Variants in ABCC11 observed in about 807,000 individuals in gnomAD.
ABCC11 encodes ATP binding cassette subfamily C member 11.
In ABCC11, 135 loss-of-function variants were observed where a neutral mutation model predicts 149.3. That is an observed-to-expected ratio of 0.90 (90% CI 0.79 to 1.04). ABCC11 has a LOEUF of 1.04. ABCC11 is among the 50% of genes least tolerant of loss of function. ABCC11 has a pLI of 0.00. For synonymous variants in ABCC11, 665 were observed against 671.4 expected (o/e 0.99, Z 0.15); for missense variants, 1,680 against 1,722.1 (o/e 0.98, Z 0.43).
At chr16:48,206,726 A>C (rs1968481210) in intron 12 of ABCC11, among the ~76,000 whole-genome samples, 1 of 152,220 alleles carries the variant, frequency 6.6e-6, no homozygotes, top group East Asian at 1.9e-4. Context: ...GCTGTGATGT[A>C]GAACAGAGCT....
chr16:48,235,000 A>G (rs1408325487), intron 1 of ABCC11: 1 of 152,226 alleles, frequency 6.6e-6, no homozygotes, highest in Non-Finnish European at 1.5e-5. Context: ...AATGACTTAA[A>G]TTATTGGCTC....
At chr16:48,196,458 T>C in intron 17 of ABCC11, 137 bp from the exon 18 acceptor site, 1 of 768,842 alleles carries the variant, frequency 1.3e-6, no homozygotes, top group Non-Finnish European at 2.1e-6. Flanking sequence ...AGGTTTTTCA[T>C]GGAAGACTCT....
In ABCC11 at chr16:48,188,924, G is replaced by A. The variant is rs375851436; in HGVS notation, c.2707-1497C>T. On this transcript the variant is annotated intron_variant, in intron 20 of 29. Coordinates refer to ENST00000356608, the MANE Select transcript of ABCC11 (RefSeq NM_001370497.1). Reference sequence around the variant, plus strand: ...AAAGAGGAGGGAAGGACATTTTGACGGTTACTAAATGTAATTATTTGAGCC... The same window carrying A: ...AAAGAGGAGGGAAGGACATTTTGACAGTTACTAAATGTAATTATTTGAGCC... Among the ~76,000 whole-genome samples the A allele has an allele frequency of 6.6e-4, 101 of 152,290 alleles. 2 individuals carry two copies. In the South Asian group the frequency reaches 0.02, roughly 30 times the overall value.
intron 2 of ABCC11, 112 bp from the exon 3 acceptor site, chr16:48,230,685 T>C: frequency 8.2e-7 from 1 of 1,213,478 alleles, no homozygotes; most frequent in Non-Finnish European, 1.1e-6. Context: ...TCCTGCTTCC[T>C]AAAGAAAGGC....
chr16:48,221,841 A>C (rs1321444066), intron 6 of ABCC11, among the ~76,000 whole-genome samples: 3 of 152,106 alleles, frequency 2.0e-5, no homozygotes, highest in Non-Finnish European at 4.4e-5. Flanking sequence ...TCTTGGGCTC[A>C]AGCGATCCTC....
intron 28 of ABCC11, among the ~76,000 whole-genome samples, chr16:48,169,067 T>C (rs186390177): frequency 1.3e-5 from 2 of 152,278 alleles, no homozygotes; most frequent in East Asian, 1.9e-4. Flanking sequence ...TTAAAAAATA[T>C]ATATATATGC....
intron 14 of ABCC11, among the ~76,000 whole-genome samples, chr16:48,202,896 T>C (rs1410850069): frequency 6.6e-6 from 1 of 152,240 alleles, no homozygotes; most frequent in East Asian, 1.9e-4. Flanking sequence ...CTGAGGGTCA[T>C]GGCTGATGTT....
chr16:48,187,989 T>C (rs571634207), intron 20 of ABCC11, among the ~76,000 whole-genome samples: 12 of 152,150 alleles, frequency 7.9e-5, no homozygotes, highest in Non-Finnish European at 8.8e-5. Context: ...ACCATTCCCA[T>C]GGCAACACCC....
intron 5 of ABCC11, among the ~76,000 whole-genome samples, chr16:48,223,861 CAT>C (rs1160108930): frequency 1.3e-5 from 2 of 152,204 alleles, no homozygotes; most frequent in Non-Finnish European, 2.9e-5. Context: ...GAGGAGCTAA[CAT>C]GTGCTGAGCC....
At chr16:48,227,675 G>T in intron 4 of ABCC11, 131 bp downstream of exon 4, 2 of 1,155,574 alleles carry the variant, frequency 1.7e-6, no homozygotes, top group South Asian at 1.3e-5. Context: ...CCTAGTATGA[G>T]GCCTCTTCCT....
rs1205597451 is a variant in ABCC11, at chr16:48,239,981, C to T, written c.-19+7333G>A. 4.6e-5 allele frequency among the ~76,000 whole-genome samples: 7 copies of T among 152,338 alleles called. No individual in the cohort carries two copies. In the East Asian group the frequency reaches 9.6e-4, roughly 21 times the overall value. On this transcript the variant is annotated intron_variant, in intron 1 of 29. Coordinates refer to ENST00000356608, the MANE Select transcript of ABCC11 (RefSeq NM_001370497.1). ...AATCAAAACCACAGTGAGATGCCAT[C>T]TTACACCAGTCAGAATGGCAATTAT...
intron 23 of ABCC11, among the ~76,000 whole-genome samples, chr16:48,181,057 G>A (rs115140726): frequency 1.7e-3 from 261 of 152,296 alleles, no homozygotes; most frequent in African/African-American, 5.9e-3. Context: ...CCTCTGCCTC[G>A]CTCCCTACAA....
rs1466366248 is a variant in ABCC11, at chr16:48,214,940, C to T, written c.1189G>A (p.Ala397Thr). ...SITLFIIPTV[A>T]TAVWVLIHTS... ...TGGATGAGAACCCAGACCGCTGTGGCCACTGTGGGGATGATGAACAAGGTT... is the reference window on the plus strand; with the variant it reads ...TGGATGAGAACCCAGACCGCTGTGGTCACTGTGGGGATGATGAACAAGGTT... Residue 397 changes from alanine to threonine, a missense_variant, in exon 9 of 30, where the codon GCC (alanine) becomes ACC (threonine). Physicochemically the swap from Ala to Thr is moderately conservative, Grantham distance 58. Coordinates refer to ENST00000356608, the MANE Select transcript of ABCC11 (RefSeq NM_001370497.1). 1.2e-6 allele frequency: 2 copies of T among 1,614,128 alleles called. No individual in the cohort carries two copies. Among genetic ancestry groups the T allele is most frequent in the Middle Eastern group, 1.6e-4 (1 of 6,062 alleles).
intron 17 of ABCC11, 114 bp from the exon 18 acceptor site, chr16:48,196,435 C>A: frequency 1.1e-6 from 1 of 941,182 alleles, no homozygotes; most frequent in Non-Finnish European, 1.6e-6. Context: ...CTTCAGTGCC[C>A]CACCTATGTC....
Position 48,186,999 on chromosome 16 carries a change from G to A in ABCC11, c.3025C>T (p.Leu1009=), listed in dbSNP as rs145321251. 1 of 1,614,132 alleles carries A rather than the reference G, an allele frequency of 6.2e-7. No homozygotes were observed. Among genetic ancestry groups the A allele is most frequent in the Non-Finnish European group, 8.5e-7 (1 of 1,180,034 alleles). The change falls in exon 22 of 30, where the codon CTG becomes TTG. Residue 1009 remains leucine, a synonymous_variant. Coordinates refer to ENST00000356608, the MANE Select transcript of ABCC11 (RefSeq NM_001370497.1). ...TTTCCATAGACATGGATGGAGCTCAGGCCTTGCAGAGAATTGAGGATGTGG... is the reference window on the plus strand; with the variant it reads ...TTTCCATAGACATGGATGGAGCTCAAGCCTTGCAGAGAATTGAGGATGTGG... ...FSHILNSLQG[L]SSIHVYGKTE... is the part of the protein sequence containing the mutation.
At chr16:48,243,165 G>A (rs547785365) in intron 1 of ABCC11, among the ~76,000 whole-genome samples, 1 of 151,938 alleles carries the variant, frequency 6.6e-6, no homozygotes, top group African/African-American at 2.4e-5. Flanking sequence ...CTTTTGGGAG[G>A]CCAAGGCGGG....
chr16:48,173,081 G>A (rs1965820663), intron 26 of ABCC11, among the ~76,000 whole-genome samples: 1 of 152,120 alleles, frequency 6.6e-6, no homozygotes, highest in South Asian at 2.1e-4. Context: ...TTCATAGATG[G>A]GTTATTTGAC....
rs143158465 is a variant in ABCC11, at chr16:48,202,432, G to A, written c.1878+796C>T. ...TTGAGACTAGCTTGGCTAACATGAC[G>A]AAACCCTGTCTCCACTAAAAATGCA... On this transcript the variant is annotated intron_variant, in intron 14 of 29. Coordinates refer to ENST00000356608, the MANE Select transcript of ABCC11 (RefSeq NM_001370497.1). Among the ~76,000 whole-genome samples the A allele has an allele frequency of 5.3e-5, 8 of 152,090 alleles. No individual in the cohort carries two copies. The East Asian group carries it at 1.6e-3, about 29-fold the overall frequency.
chr16:48,217,346 C>T (rs537808123), intron 6 of ABCC11, among the ~76,000 whole-genome samples: 9 of 152,022 alleles, frequency 5.9e-5, no homozygotes, highest in Admixed American at 6.6e-5. Flanking sequence ...AACATTTGGC[C>T]GGGCACAGGG....
Sources: allele counts gnomAD v4.1 joint callset (sites outside exome capture counted in the v4.1 genomes callset), GRCh38; gene constraint gnomAD v4.1.1; transcripts MANE v1.5; gene names NCBI Gene and HGNC (gene_info 2026-07-23, HGNC 2026-07-21).